ATAD2: variants seen among roughly 807,000 people sequenced by gnomAD.
ATAD2 encodes the protein ATPase family AAA domain containing 2, also known as ATPase family AAA domain-containing protein 2.
A neutral mutation model predicts 168.9 loss-of-function variants in ATAD2; 62 were observed. That is an observed-to-expected ratio of 0.37 (90% CI 0.30 to 0.45). The LOEUF is 0.45. Among genes scored for constraint, ATAD2 ranks in the 20% least tolerant of loss-of-function variants. ATAD2 has a pLI of 1.00. For synonymous variants in ATAD2, 613 were observed against 571.6 expected (o/e 1.07, Z -1.03); for missense variants, 1,419 against 1,667.8 (o/e 0.85, Z 2.60).
chr8:123,395,464 T>C (rs1479273860), intron 1 of ATAD2, among the ~76,000 whole-genome samples: 4 of 152,320 alleles, frequency 2.6e-5, no homozygotes, highest in East Asian at 1.9e-4. Flanking sequence ...AACTGCAGCA[T>C]GACGGCATAG....
In ATAD2 at chr8:123,389,428, G is replaced by A. The variant is rs913864119; in HGVS notation, c.171+6759C>T. Among the ~76,000 whole-genome samples, 28 of 149,740 alleles carry A rather than the reference G, an allele frequency of 1.9e-4. No homozygotes were observed. In the South Asian group the frequency reaches 4.1e-3, roughly 22 times the overall value. ...GCCAAGGCGGGCGGATCACGAAGTC[G>A]GGAGATTGAGACCATCCTGGCTATC... On this transcript the variant is annotated intron_variant, in intron 1 of 27. Transcript: ENST00000287394.
upstream of ATAD2, chr8:123,401,108 T>TC (rs1586912775): frequency 6.2e-6 from 9 of 1,453,822 alleles, no homozygotes; most frequent in East Asian, 2.0e-4. Context: ...CTCAGTGAGG[T>TC]GATGATGCCA....
chr8:123,337,722 G>A lies in ATAD2; in HGVS notation c.2954C>T (p.Thr985Ile), dbSNP rs773098148. ...VKRLEEQEED[T>I]FRELRIFLRN... ...TAAGAAAATCCTCAGTTCTCTAAATGTATCTTCTTCTTGTTCTTCTAGTCG... is the reference window on the plus strand; with the variant it reads ...TAAGAAAATCCTCAGTTCTCTAAATATATCTTCTTCTTGTTCTTCTAGTCG... Residue 985 changes from threonine to isoleucine, a missense_variant, in exon 21 of 28, where the codon ACA becomes ATA. Thr to Ile is a moderately conservative substitution (Grantham distance 89, BLOSUM62 -1). Transcript: ENST00000287394. The A allele has an allele frequency of 2.5e-6, 4 of 1,613,726 alleles. No homozygotes were observed. Among genetic ancestry groups the A allele is most frequent in the African/African-American group, 2.7e-5 (2 of 74,912 alleles).
chr8:123,367,684 A>C (rs1829023919), intron 8 of ATAD2, among the ~76,000 whole-genome samples: 1 of 152,138 alleles, frequency 6.6e-6, no homozygotes. Flanking sequence ...AGTGCAATTA[A>C]TCTTGAAAAG....
intron 9 of ATAD2, among the ~76,000 whole-genome samples, chr8:123,360,524 G>A (rs1392923091): frequency 6.6e-6 from 1 of 152,096 alleles, no homozygotes; most frequent in Non-Finnish European, 1.5e-5. Flanking sequence ...TGTACTTTTA[G>A]TCGAGACGGG....
intron 8 of ATAD2, among the ~76,000 whole-genome samples, chr8:123,367,626 T>C (rs774307115): frequency 1.3e-4 from 20 of 152,070 alleles, no homozygotes; most frequent in Non-Finnish European, 2.5e-4. Flanking sequence ...ATAGAGGTCT[T>C]TACATTCTAA....
rs764198490 is a variant in ATAD2, at chr8:123,369,942, A to ATCATCATCG, written c.809_810insCGATGATGA (p.Asp275_Asp277dup). 1.3e-5 allele frequency: 20 copies of ATCATCATCG among 1,554,788 alleles called. No homozygotes were observed. The African/African-American group carries it at 2.6e-4, about 20-fold the overall frequency. On this transcript the variant is annotated inframe_insertion, in exon 7 of 28. Transcript: ENST00000287394. ...CTTCATCATCATCATCATCATCATC[A>ATCATCATCG]TCGTCATCATCATCATCATCTTCAT...
intron 8 of ATAD2, among the ~76,000 whole-genome samples, chr8:123,366,728 T>G (rs559200344): frequency 1.1e-4 from 17 of 152,188 alleles, no homozygotes; most frequent in Non-Finnish European, 2.1e-4. Context: ...CTGTGGGAAC[T>G]CAGGGGGAAA....
At chr8:123,384,723 G>A (rs1450758489) in intron 1 of ATAD2, among the ~76,000 whole-genome samples, 1 of 152,198 alleles carries the variant, frequency 6.6e-6, no homozygotes, top group African/African-American at 2.4e-5. Context: ...CTTCAACCAT[G>A]TGAGATCTCC....
intron 18 of ATAD2, among the ~76,000 whole-genome samples, chr8:123,345,706 A>C (rs1254495022): frequency 6.6e-6 from 1 of 151,918 alleles, no homozygotes; most frequent in East Asian, 1.9e-4. Context: ...AAAAACAAAC[A>C]AAAAAAAGTT....
chr8:123,371,470 T>G (rs180726187), intron 4 of ATAD2, 132 bp from the exon 5 acceptor site: 29 of 852,276 alleles, frequency 3.4e-5, no homozygotes, highest in Non-Finnish European at 4.5e-5. Flanking sequence ...ATTGATTTAC[T>G]TGTATAAAAA....
At chr8:123,359,729 A>AC in intron 9 of ATAD2, 44 bp from the exon 10 acceptor site, 3 of 1,306,480 alleles carry the variant, frequency 2.3e-6, no homozygotes, top group Non-Finnish European at 3.2e-6. Context: ...CCATCAACTC[A>AC]CCCTCCTTCC....
At chr8:123,391,194 C>T (rs58501537) in intron 1 of ATAD2, among the ~76,000 whole-genome samples, 1 of 151,796 alleles carries the variant, frequency 6.6e-6, no homozygotes, top group African/African-American at 2.4e-5. Flanking sequence ...AATGGCTACT[C>T]TGATTCTGGA....
chr8:123,396,067 T>G (rs1746224400), intron 1 of ATAD2, 120 bp downstream of exon 1: 1 of 1,175,278 alleles, frequency 8.5e-7, no homozygotes, highest in Admixed American at 3.1e-5. Flanking sequence ...TCGACCACAC[T>G]TCTCCCCCGA....
intron 8 of ATAD2, among the ~76,000 whole-genome samples, chr8:123,364,356 C>T (rs1828909462): frequency 6.6e-6 from 1 of 152,040 alleles, no homozygotes; most frequent in Admixed American, 6.6e-5. Flanking sequence ...GTCATTACTT[C>T]AGTTTAAAAA....
At chr8:123,328,681 C>CT in intron 24 of ATAD2, 102 bp from the exon 25 acceptor site, 1 of 1,186,794 alleles carries the variant, frequency 8.4e-7, no homozygotes, top group Non-Finnish European at 1.1e-6. Context: ...TAGTGAGAAA[C>CT]CACAGTATTT....
chr8:123,320,953 C>G lies in ATAD2; in HGVS notation c.*181G>C, dbSNP rs1827450761. 1.7e-6 allele frequency: 1 copy of G among 573,532 alleles called. No individual in the cohort carries two copies. Among genetic ancestry groups the G allele is most frequent in the East Asian group, 3.3e-5 (1 of 30,750 alleles). 35.5% of individuals were successfully genotyped at this position (573,532 alleles called of 1,614,324 possible). On this transcript the variant is annotated 3_prime_UTR_variant, in exon 28 of 28. Transcript: ENST00000287394. ...CAAAGTTCCAATATTTATCAGTTAT[C>G]TTACACATGACATTTATCTTAATAT...
At chr8:123,372,280 A>G (rs1829171593) in intron 3 of ATAD2, among the ~76,000 whole-genome samples, 1 of 152,200 alleles carries the variant, frequency 6.6e-6, no homozygotes, top group Non-Finnish European at 1.5e-5. Context: ...TTTATATAAA[A>G]CTGTAGATAA....
intron 15 of ATAD2, among the ~76,000 whole-genome samples, chr8:123,347,861 A>C (rs139411451): frequency 6.6e-6 from 1 of 152,284 alleles, no homozygotes. Context: ...TGGTCAGTAA[A>C]GAATAGCTAT....
Sources: gnomAD v4.1 joint callset for allele counts (sites outside exome capture counted in the v4.1 genomes callset) on GRCh38, gnomAD v4.1.1 for gene constraint, MANE v1.5 for transcripts, NCBI Gene and HGNC (gene_info 2026-07-23, HGNC 2026-07-21) for gene names.